The following ABCD3 variants were observed in gnomAD, a reference collection of about 807,000 sequenced individuals.
ABCD3 encodes the protein ATP-binding cassette sub-family D member 3.
In ABCD3, 41 loss-of-function variants were observed where a neutral mutation model predicts 105.5. The ratio of observed to expected loss-of-function variants is 0.39; its 90% confidence interval spans 0.30 to 0.50. The LOEUF (loss-of-function observed/expected upper bound fraction) is 0.50, where lower values mean the gene tolerates loss of function less well. Ranked by LOEUF, ABCD3 falls within the 20% of genes least tolerant of loss-of-function variation. The pLI is 0.84. For missense variants in ABCD3, 622 were observed against 806.3 expected (o/e 0.77, Z 2.77); for synonymous variants, 258 against 269.0 (o/e 0.96, Z 0.40).
chr1:94,479,416 G>A (rs1479195457), intron 8 of ABCD3, among the ~76,000 whole-genome samples: 1 of 151,168 alleles, frequency 6.6e-6, no homozygotes, highest in Non-Finnish European at 1.5e-5. Context: ...GATATGCATT[G>A]AATTGATCAG....
chr1:94,438,817 G>A (rs1347661939), intron 1 of ABCD3, among the ~76,000 whole-genome samples: 1 of 151,774 alleles, frequency 6.6e-6, no homozygotes, highest in Admixed American at 6.6e-5. Flanking sequence ...ATACTTGAGA[G>A]ACTACACAGT....
the ABCD3 span, among the ~76,000 whole-genome samples, chr1:94,407,886 G>A: frequency 6.6e-6 from 1 of 152,276 alleles, no homozygotes; most frequent in East Asian, 1.9e-4. Context: ...AAAACTACAG[G>A]GAATTCGAAT....
chr1:94,487,995 A>C lies in ABCD3; in HGVS notation c.1157+12A>C. ...ACTAGATTGGCCGGGTAAGATTAGT[A>C]ATAATGAGCTGTTGCAGAAAATAAT... On this transcript the variant is annotated intron_variant, in intron 13 of 22. Coordinates refer to ENST00000370214, the MANE Select transcript of ABCD3 (RefSeq NM_002858.4). The C allele has an allele frequency of 6.3e-7, 1 of 1,585,840 alleles. No individual in the cohort carries two copies. Among genetic ancestry groups the C allele is most frequent in the South Asian group, 1.1e-5 (1 of 90,074 alleles).
intron 1 of ABCD3, among the ~76,000 whole-genome samples, chr1:94,448,837 T>G (rs1224774501): frequency 6.6e-6 from 1 of 152,146 alleles, no homozygotes; most frequent in Non-Finnish European, 1.5e-5. Flanking sequence ...CAAGCCATAG[T>G]GGAAAAAATG....
intron 7 of ABCD3, among the ~76,000 whole-genome samples, chr1:94,476,858 T>C (rs1648768991): frequency 6.6e-6 from 1 of 152,102 alleles, no homozygotes; most frequent in Non-Finnish European, 1.5e-5. Context: ...CTGTTCCCAT[T>C]ACCACATTTG....
At chr1:94,487,213 C>T (rs1230930187) in intron 10 of ABCD3, among the ~76,000 whole-genome samples, 1 of 152,304 alleles carries the variant, frequency 6.6e-6, no homozygotes. Flanking sequence ...TTGTTGTCCT[C>T]TTTTGGGATA....
chr1:94,387,649 G>A, the ABCD3 span, among the ~76,000 whole-genome samples: 1 of 152,162 alleles, frequency 6.6e-6, no homozygotes, highest in African/African-American at 2.4e-5. Context: ...GTAGGATCAG[G>A]CATTCATAAA....
At chr1:94,483,101 A>ATTTT in intron 9 of ABCD3, 69 bp from the exon 10 acceptor site, 1 of 996,066 alleles carries the variant, frequency 1.0e-6, no homozygotes, top group East Asian at 2.6e-5. Flanking sequence ...GCCATCATAT[A>ATTTT]CTGTATTTCA....
intron 1 of ABCD3, among the ~76,000 whole-genome samples, chr1:94,445,047 A>T (rs370336060): frequency 2.4e-4 from 37 of 152,322 alleles, no homozygotes; most frequent in African/African-American, 8.9e-4. Context: ...AGCCAGACCC[A>T]TCCCCTTGTT....
chr1:94,422,170 C>T (rs2100866829), intron 1 of ABCD3, among the ~76,000 whole-genome samples: 1 of 152,290 alleles, frequency 6.6e-6, no homozygotes, highest in East Asian at 1.9e-4. Flanking sequence ...TTTTATGATA[C>T]TGTAGGCCAG....
intron 20 of ABCD3, among the ~76,000 whole-genome samples, chr1:94,504,088 T>G (rs920182457): frequency 5.9e-5 from 9 of 151,844 alleles, no homozygotes; most frequent in Non-Finnish European, 1.3e-4. Context: ...AATTTTTGTA[T>G]TTTTAGTAGA....
intron 2 of ABCD3, among the ~76,000 whole-genome samples, chr1:94,462,014 G>A (rs370263850): frequency 3.3e-4 from 50 of 152,246 alleles, no homozygotes; most frequent in African/African-American, 1.2e-3. Flanking sequence ...TCTCACCTAC[G>A]GTGATTGACG....
intron 16 of ABCD3, among the ~76,000 whole-genome samples, chr1:94,493,196 A>C (rs374060101): frequency 6.6e-6 from 1 of 152,096 alleles, no homozygotes; most frequent in East Asian, 1.9e-4. Flanking sequence ...CAACCTACTC[A>C]TCTGACAAAG....
At chr1:94,440,588 A>G (rs1382865992) in intron 1 of ABCD3, among the ~76,000 whole-genome samples, 1 of 152,150 alleles carries the variant, frequency 6.6e-6, no homozygotes, top group Non-Finnish European at 1.5e-5. Context: ...GCTGCTCTCA[A>G]ATTGGTCCTT....
intron 9 of ABCD3, chr1:94,482,008 C>T (rs1649050434): frequency 6.6e-6 from 1 of 152,210 alleles, no homozygotes; most frequent in Non-Finnish European, 1.5e-5. Context: ...CATCAATATT[C>T]CAGGATGTTT....
intron 8 of ABCD3, among the ~76,000 whole-genome samples, chr1:94,479,553 A>G (rs1648934019): frequency 1.3e-5 from 2 of 152,176 alleles, no homozygotes; most frequent in African/African-American, 4.8e-5. Context: ...AAACAGGTAG[A>G]TAGTCAAACA....
intron 1 of ABCD3, among the ~76,000 whole-genome samples, chr1:94,453,223 A>G (rs1305697696): frequency 6.6e-6 from 1 of 152,088 alleles, no homozygotes; most frequent in African/African-American, 2.4e-5. Flanking sequence ...TTTTTGGGGA[A>G]TAGAAGGGTA....
At chr1:94,476,952 G>A (rs942851184) in intron 7 of ABCD3, among the ~76,000 whole-genome samples, 1 of 140,752 alleles carries the variant, frequency 7.1e-6, no homozygotes, top group African/African-American at 2.5e-5. Context: ...GTGGGAATGG[G>A]GGGTGTATCT....
the ABCD3 span, among the ~76,000 whole-genome samples, chr1:94,389,610 C>G: frequency 0.039 from 5,895 of 152,280 alleles, 393 homozygotes; most frequent in African/African-American, 0.14. Flanking sequence ...CTGTCAGTAA[C>G]TATGTGGGTA....
Sources: gnomAD v4.1 joint callset for allele counts (sites outside exome capture counted in the v4.1 genomes callset) on GRCh38, gnomAD v4.1.1 for gene constraint, MANE v1.5 for transcripts, NCBI Gene and HGNC (gene_info 2026-07-23, HGNC 2026-07-21) for gene names.